PDCD6: variants seen among roughly 807,000 people sequenced by gnomAD.
The protein encoded by PDCD6 is programmed cell death 6.
PDCD6 carries 12 observed loss-of-function variants against 28.3 expected under a neutral mutation model. The observed-to-expected ratio is 0.42, with a 90% confidence interval of 0.27 to 0.69. The LOEUF (loss-of-function observed/expected upper bound fraction) is 0.69. PDCD6 is among the 30% of genes least tolerant of loss of function. PDCD6 has a pLI of 0.22. For missense variants in PDCD6, 226 were observed against 269.9 expected, an observed-to-expected ratio of 0.84 and a Z score of 1.14; for synonymous variants, 92 against 108.0, an observed-to-expected ratio of 0.85 and a Z score of 0.92.
At chr5:302,111 T>TGTGTGTGTGTGTGTGTGTGTG (rs1561046622) in intron 2 of PDCD6, among the ~76,000 whole-genome samples, 3 of 115,532 alleles carry the variant, frequency 2.6e-5, no homozygotes, top group Non-Finnish European at 5.2e-5. Flanking sequence ...TGTGTGTGCC[T>TGTGTGTGTGTGTGTGTGTGTG]TGGGTTCAGG....
At chr5:276,574 C>T (rs548665354) in intron 2 of PDCD6, 4 of 981,916 alleles carry the variant, frequency 4.1e-6, no homozygotes, top group East Asian at 2.3e-4. Context: ...ATATGAATTC[C>T]TATACTAATA....
intron 2 of PDCD6, among the ~76,000 whole-genome samples, chr5:297,254 T>C (rs1365296498): frequency 2.6e-5 from 4 of 152,266 alleles, no homozygotes; most frequent in Non-Finnish European, 5.9e-5. Flanking sequence ...TGAATCACTG[T>C]GGATCTACCA....
chr5:308,388 A>G (rs1740666823), intron 4 of PDCD6: 1 of 152,176 alleles, frequency 6.6e-6, no homozygotes, highest in Non-Finnish European at 1.5e-5. Context: ...CCGGTCACGC[A>G]GCCTTCCTCC....
At chr5:291,942 T>C (rs1000577549) in intron 2 of PDCD6, among the ~76,000 whole-genome samples, 5 of 152,226 alleles carry the variant, frequency 3.3e-5, no homozygotes, top group Admixed American at 6.5e-5. Context: ...AGGTAAGAAA[T>C]GTAACTTTCC....
intron 2 of PDCD6, among the ~76,000 whole-genome samples, chr5:300,753 C>A (rs144208591): frequency 1.3e-3 from 199 of 152,346 alleles, no homozygotes; most frequent in Non-Finnish European, 2.4e-3. Flanking sequence ...GCAAGGAAGG[C>A]GAGTGGAGAC....
In PDCD6 at chr5:305,132, T is replaced by G. The variant is rs1740387285; in HGVS notation, c.208+911T>G. 6.6e-6 allele frequency: 1 copy of G among 152,404 alleles called. No individual in the cohort carries two copies. Among genetic ancestry groups the G allele is most frequent in the South Asian group, 2.1e-4 (1 of 4,826 alleles). 9.4% of individuals were successfully genotyped at this position (152,404 alleles called of 1,614,324 possible). ...GGGAGGCAGGTGTTCAGGAGAGTCA[T>G]GTTTCCATCCCTACCCGACTTGATT... On this transcript the variant is annotated intron_variant, in intron 3 of 5. Coordinates refer to ENST00000264933, the MANE Select transcript of PDCD6 (RefSeq NM_013232.4). The surrounding 1 kb of genome is among the most constrained non-coding windows in gnomAD (Gnocchi z 4.0).
intron 3 of PDCD6, chr5:306,364 T>G (rs1011319448): frequency 4.2e-6 from 2 of 478,978 alleles, no homozygotes; most frequent in African/African-American, 3.9e-5. Context: ...GTGCACCTTC[T>G]CCTGGGACTT....
intron 1 of PDCD6, 79 bp from the exon 2 acceptor site, chr5:272,632 G>T (rs1225473390): frequency 7.9e-6 from 12 of 1,519,142 alleles, no homozygotes; most frequent in Non-Finnish European, 1.1e-5. Flanking sequence ...CAGAGTCGGT[G>T]CAGGGTTGAC....
chr5:288,319 T>C (rs1342658142), intron 2 of PDCD6, among the ~76,000 whole-genome samples: 3 of 138,558 alleles, frequency 2.2e-5, no homozygotes, highest in Non-Finnish European at 4.7e-5. Flanking sequence ...TATACACATA[T>C]GTATATATAA....
chr5:313,003 C>CAGG (rs1471813324), intron 5 of PDCD6, among the ~76,000 whole-genome samples: 1 of 152,204 alleles, frequency 6.6e-6, no homozygotes, highest in African/African-American at 2.4e-5. Flanking sequence ...GTAACACAGG[C>CAGG]GGCCTCACAG....
At chr5:275,757 G>A (rs894159796) in intron 2 of PDCD6, among the ~76,000 whole-genome samples, 2 of 152,188 alleles carry the variant, frequency 1.3e-5, no homozygotes, top group Admixed American at 6.5e-5. Context: ...CTCCCTTTCC[G>A]GGTTACCTGT....
chr5:289,824 A>C, intron 2 of PDCD6: 1 of 1,358,612 alleles, frequency 7.4e-7, no homozygotes, highest in Non-Finnish European at 1.1e-6. Context: ...GCCCATTTAC[A>C]TTAGACCTCT....
chr5:282,968 G>T (rs1256974276), intron 2 of PDCD6, among the ~76,000 whole-genome samples: 1 of 152,012 alleles, frequency 6.6e-6, no homozygotes, highest in Non-Finnish European at 1.5e-5. Flanking sequence ...TGAGGGTCGT[G>T]CACCTGGAGA....
chr5:273,696 G>C (rs574472535), intron 2 of PDCD6, among the ~76,000 whole-genome samples: 36,462 of 151,920 alleles, frequency 0.24, 6,794 homozygotes, highest in African/African-American at 0.52. Flanking sequence ...TGTGGGTGGG[G>C]GGGTGCTGGA....
At chr5:289,936 A>G (rs563172070) in intron 2 of PDCD6, 16 of 1,534,490 alleles carry the variant, frequency 1.0e-5, no homozygotes, top group East Asian at 9.0e-5. Context: ...GCTAACAACC[A>G]TCACATCCTT....
At chr5:302,191 CTGTGTGTG>C (rs70955230) in intron 2 of PDCD6, among the ~76,000 whole-genome samples, 1 of 87,976 alleles carries the variant, frequency 1.1e-5, no homozygotes, top group African/African-American at 4.2e-5. Flanking sequence ...TGGAGTGCTG[CTGTGTGTG>C]TGTGTGTGTG....
chr5:275,598 T>C (rs1738142637), intron 2 of PDCD6, among the ~76,000 whole-genome samples: 1 of 152,248 alleles, frequency 6.6e-6, no homozygotes, highest in African/African-American at 2.4e-5. Context: ...CACTTTCTTC[T>C]CAACCAATAT....
intron 2 of PDCD6, among the ~76,000 whole-genome samples, chr5:281,254 G>C (rs527675170): frequency 6.6e-6 from 1 of 152,382 alleles, no homozygotes; most frequent in East Asian, 1.9e-4. Flanking sequence ...CTTGACTGCT[G>C]AATTTCGTAA....
intron 2 of PDCD6, among the ~76,000 whole-genome samples, chr5:302,111 T>TG (rs1561046622): frequency 4.3e-5 from 5 of 115,584 alleles, no homozygotes; most frequent in Admixed American, 1.9e-4. Context: ...TGTGTGTGCC[T>TG]TGGGTTCAGG....
Sources: allele counts gnomAD v4.1 joint callset (sites outside exome capture counted in the v4.1 genomes callset), GRCh38; gene constraint gnomAD v4.1.1; non-coding constraint Gnocchi (gnomAD v3.1); transcripts MANE v1.5; gene names NCBI Gene and HGNC (gene_info 2026-07-23, HGNC 2026-07-21).